HYCC1: variants seen among roughly 807,000 people sequenced by gnomAD.
HYCC1 encodes hyccin PI4KA lipid kinase complex subunit 1, also known as hyccin.
At chr7:22,975,227 A>T in the HYCC1 span, among the ~76,000 whole-genome samples, 392 of 152,212 alleles carry the variant, frequency 2.6e-3, 1 homozygote, top group South Asian at 4.6e-3. Context: ...TCTCCTTTTT[A>T]AAAAAAGTAA....
chr7:22,945,699 G>A, the HYCC1 span: 1 of 1,613,678 alleles, frequency 6.2e-7, no homozygotes, highest in African/African-American at 1.3e-5. Context: ...TCTTCTTGGA[G>A]ACTACAAGCG....
chr7:22,931,366 G>A, the HYCC1 span, among the ~76,000 whole-genome samples: 3 of 151,938 alleles, frequency 2.0e-5, no homozygotes, highest in African/African-American at 4.8e-5. Context: ...AGAACTGTGA[G>A]AGAATAAATT....
At chr7:22,966,179 T>G in the HYCC1 span, among the ~76,000 whole-genome samples, 1 of 152,224 alleles carries the variant, frequency 6.6e-6, no homozygotes, top group Non-Finnish European at 1.5e-5. Context: ...AAAAGTACAT[T>G]AAAAAGTCAT....
chr7:22,958,028 T>A, the HYCC1 span, among the ~76,000 whole-genome samples: 1 of 151,608 alleles, frequency 6.6e-6, no homozygotes, highest in African/African-American at 2.4e-5. Flanking sequence ...ATAAACAAAA[T>A]TAAATTTAAA....
At chr7:22,919,988 T>C in the HYCC1 span, among the ~76,000 whole-genome samples, 18 of 152,250 alleles carry the variant, frequency 1.2e-4, no homozygotes, top group Admixed American at 2.0e-4. Context: ...TGCAAAGAGA[T>C]ACAAATTCAG....
At chr7:22,953,244 G>A in the HYCC1 span, among the ~76,000 whole-genome samples, 1 of 151,838 alleles carries the variant, frequency 6.6e-6, no homozygotes, top group African/African-American at 2.4e-5. Context: ...CCAAAAACAG[G>A]TCAGCAACAC....
the HYCC1 span, among the ~76,000 whole-genome samples, chr7:22,993,602 G>C: frequency 6.6e-6 from 1 of 152,002 alleles, no homozygotes; most frequent in Non-Finnish European, 1.5e-5. Flanking sequence ...TACTCAAATG[G>C]AAACTTAGCA....
At chr7:23,011,698 A>G in the HYCC1 span, among the ~76,000 whole-genome samples, 23 of 152,290 alleles carry the variant, frequency 1.5e-4, no homozygotes, top group African/African-American at 5.1e-4. Flanking sequence ...ATCAATGTCA[A>G]TGTTATTGAC....
At chr7:22,978,518 A>G in the HYCC1 span, 5 of 1,290,622 alleles carry the variant, frequency 3.9e-6, no homozygotes, top group Non-Finnish European at 5.6e-6. Flanking sequence ...ATGAAGTATA[A>G]AAGGTTTTCT....
At chr7:22,911,143 A>C in the HYCC1 span, among the ~76,000 whole-genome samples, 1 of 152,186 alleles carries the variant, frequency 6.6e-6, no homozygotes, top group African/African-American at 2.4e-5. Context: ...AGTTCTTACC[A>C]TTGTATGATA....
the HYCC1 span, among the ~76,000 whole-genome samples, chr7:22,990,548 A>C: frequency 6.6e-6 from 1 of 152,256 alleles, no homozygotes; most frequent in Non-Finnish European, 1.5e-5. Context: ...TATTTTAGCT[A>C]TCCTAGAGAA....
the HYCC1 span, among the ~76,000 whole-genome samples, chr7:22,998,464 CATT>C: frequency 6.6e-6 from 1 of 152,018 alleles, no homozygotes; most frequent in Admixed American, 6.6e-5. Flanking sequence ...AGTGGTTCAA[CATT>C]TTTTAAAATT....
the HYCC1 span, among the ~76,000 whole-genome samples, chr7:22,971,270 T>C: frequency 1.3e-5 from 2 of 148,574 alleles, no homozygotes; most frequent in African/African-American, 2.4e-5. Context: ...TATAAATGTA[T>C]TCAGATAATA....
At chr7:22,951,362 G>A in the HYCC1 span, among the ~76,000 whole-genome samples, 8 of 151,764 alleles carry the variant, frequency 5.3e-5, no homozygotes, top group Admixed American at 4.6e-4. Context: ...ATTACTTTGA[G>A]TCTAAAGGCA....
the HYCC1 span, chr7:22,960,487 A>C: frequency 4.1e-6 from 5 of 1,224,426 alleles, no homozygotes; most frequent in Middle Eastern, 2.2e-4. Flanking sequence ...CCCTTCGATA[A>C]AACATGATGC....
chr7:22,984,944 TA>T, the HYCC1 span, among the ~76,000 whole-genome samples: 1,071 of 152,240 alleles, frequency 7.0e-3, 16 homozygotes, highest in African/African-American at 0.025. Context: ...TGGGAAGAGA[TA>T]AAACTCCAGT....
the HYCC1 span, chr7:22,960,190 A>G: frequency 6.7e-7 from 1 of 1,500,110 alleles, no homozygotes. Context: ...TTATAGCACC[A>G]TAAGTACAGT....
chr7:22,920,358 G>T, the HYCC1 span, among the ~76,000 whole-genome samples: 5 of 151,682 alleles, frequency 3.3e-5, no homozygotes, highest in African/African-American at 1.2e-4. Context: ...AAAATAAAAA[G>T]AACAAAAGAA....
the HYCC1 span, among the ~76,000 whole-genome samples, chr7:22,912,148 A>G: frequency 1.3e-5 from 2 of 152,232 alleles, no homozygotes; most frequent in African/African-American, 2.4e-5. Flanking sequence ...ACAACTATTT[A>G]AAGTCTCTGG....
Sources: allele counts gnomAD v4.1 joint callset (sites outside exome capture counted in the v4.1 genomes callset), GRCh38; gene constraint gnomAD v4.1.1; transcripts MANE v1.5; gene names NCBI Gene and HGNC (gene_info 2026-07-23, HGNC 2026-07-21).